Variants in PLAAT1 observed in about 807,000 individuals in gnomAD.
The protein encoded by PLAAT1 is H-REV107 protein-related protein.
Under a neutral mutation model 16.4 loss-of-function variants are expected in PLAAT1, and 13 were observed. The observed-to-expected ratio is 0.79, with a 90% CI of 0.52 to 1.26. PLAAT1 has a LOEUF of 1.26. PLAAT1 is among the 50% of genes most tolerant of loss of function. The pLI is 0.00. For missense variants in PLAAT1, 218 were observed against 207.8 expected, an observed-to-expected ratio of 1.05 and a Z score of -0.30; for synonymous variants, 73 against 78.4, an observed-to-expected ratio of 0.93 and a Z score of 0.36.
At position 193,270,782 on chromosome 3, in the gene PLAAT1, G is replaced by T. The variant is rs1250284846; in HGVS notation, c.*77G>T. On this transcript the variant is annotated 3_prime_UTR_variant, in exon 4 of 4. Transcript: ENST00000264735. ...AACCTGGGGTGAATACTTATTTTCAGTGCATCATTACTGTTCCAGATTCCT... is the reference window on the plus strand; with the variant it reads ...AACCTGGGGTGAATACTTATTTTCATTGCATCATTACTGTTCCAGATTCCT... 4 of 1,539,096 alleles carry T rather than the reference G, an allele frequency of 2.6e-6. No individual in the cohort carries two copies. In the African/African-American group the frequency reaches 4.1e-5, roughly 16 times the overall value.
At chr3:193,253,687 A>G (rs766566988) in intron 1 of PLAAT1, among the ~76,000 whole-genome samples, 2 of 152,222 alleles carry the variant, frequency 1.3e-5, no homozygotes, top group Non-Finnish European at 2.9e-5. Context: ...TATCAAGTAG[A>G]AGACTAAGAG....
At chr3:193,249,851 T>C (rs1290476436) in intron 1 of PLAAT1, among the ~76,000 whole-genome samples, 2 of 152,068 alleles carry the variant, frequency 1.3e-5, no homozygotes, top group Non-Finnish European at 2.9e-5. Flanking sequence ...TGGTACTTTT[T>C]AATATTTTCT....
chr3:193,259,003 A>C (rs754653415), intron 2 of PLAAT1, among the ~76,000 whole-genome samples: 1 of 152,166 alleles, frequency 6.6e-6, no homozygotes, highest in African/African-American at 2.4e-5. Flanking sequence ...AAAATCCTCA[A>C]CAAAAGACCA....
At chr3:193,280,015 CTG>C (rs1434262293), downstream of PLAAT1, among the ~76,000 whole-genome samples, 1 of 127,092 alleles carries the variant, frequency 7.9e-6, no homozygotes, top group Non-Finnish European at 1.6e-5. Context: ...CCCTGTGTAC[CTG>C]TGTACATAAT....
In PLAAT1 at chr3:193,241,386, G is replaced by T; in HGVS notation, c.-148G>T. On this transcript the variant is annotated 5_prime_UTR_variant, in exon 1 of 4. Coordinates refer to ENST00000264735, the MANE Select transcript of PLAAT1 (RefSeq NM_020386.5). Reference sequence around the variant, plus strand: ...GGAGGACGGCCCCGAGTGATGGCTGGCGCCTGCCTCCCGGGTGTCTCCCGG... The same window carrying T: ...GGAGGACGGCCCCGAGTGATGGCTGTCGCCTGCCTCCCGGGTGTCTCCCGG... 1 of 1,231,740 alleles carries T rather than the reference G, an allele frequency of 8.1e-7. No individual in the cohort carries two copies. Among genetic ancestry groups the T allele is most frequent in the African/African-American group, 1.5e-5 (1 of 64,548 alleles). The allele number at this position is 1,231,740 out of a possible 1,614,324, so 76.3% of individuals were successfully genotyped here. A position where few individuals can be genotyped will look rare whatever the true frequency, so the allele number is the denominator to read the frequency against.
At chr3:193,254,447 G>A (rs1400599965) in intron 1 of PLAAT1, among the ~76,000 whole-genome samples, 1 of 152,102 alleles carries the variant, frequency 6.6e-6, no homozygotes, top group Non-Finnish European at 1.5e-5. Context: ...GGAACACCCT[G>A]TTGTCAATTA....
At chr3:193,268,520 C>G (rs1294935110) in intron 3 of PLAAT1, among the ~76,000 whole-genome samples, 1 of 152,146 alleles carries the variant, frequency 6.6e-6, no homozygotes, top group African/African-American at 2.4e-5. Flanking sequence ...CCAAAGTAAG[C>G]CGTGAAGTAA....
chr3:193,263,492 CT>C (rs5855475), intron 3 of PLAAT1, among the ~76,000 whole-genome samples: 137,466 of 152,238 alleles, frequency 0.9, 62,287 homozygotes, highest in East Asian at 0.98. Context: ...ATCTTACTGC[CT>C]TTTAGTCTTT....
intron 1 of PLAAT1, among the ~76,000 whole-genome samples, chr3:193,249,092 T>G (rs1716093467): frequency 1.3e-5 from 2 of 152,140 alleles, no homozygotes; most frequent in African/African-American, 4.8e-5. Flanking sequence ...GAGTGTAGTA[T>G]TCTTGGTTGG....
intron 1 of PLAAT1, among the ~76,000 whole-genome samples, chr3:193,248,401 C>T (rs113787918): frequency 6.6e-5 from 10 of 151,884 alleles, no homozygotes; most frequent in African/African-American, 2.4e-4. Flanking sequence ...GAATTTAATA[C>T]ACTTACATTC....
chr3:193,279,476 T>C (rs1717382105), downstream of PLAAT1: 2 of 1,579,906 alleles, frequency 1.3e-6, no homozygotes, highest in African/African-American at 1.3e-5. Context: ...CCAAACATTA[T>C]TTTTAGATGT....
At chr3:193,270,531 C>G (rs1157127261) in intron 3 of PLAAT1, 73 bp from the exon 4 acceptor site, 2 of 1,439,332 alleles carry the variant, frequency 1.4e-6, no homozygotes, top group Non-Finnish European at 1.9e-6. Context: ...AGGAAACAGG[C>G]TAAAGCTTCA....
Position 193,255,646 on chromosome 3 carries a change from T to G in PLAAT1, c.1-5T>G, listed in dbSNP as rs543701653. The stretch of plus-strand genomic sequence containing the variant: ...GCTAGCTCTTCTTTGTATTTGTCAT[T>G]GCAGATGGCGTTTAATGATTGCTTC... On this transcript the variant is annotated splice_region_variant and splice_polypyrimidine_tract_variant and intron_variant, in intron 1 of 3. Coordinates refer to ENST00000264735, the MANE Select transcript of PLAAT1 (RefSeq NM_020386.5). 3.2e-5 allele frequency: 52 copies of G among 1,603,158 alleles called. No individual in the cohort carries two copies. In the South Asian group the frequency reaches 5.1e-4, roughly 16 times the overall value.
intron 1 of PLAAT1, among the ~76,000 whole-genome samples, chr3:193,242,100 T>A (rs534719482): frequency 5.8e-4 from 84 of 145,690 alleles, no homozygotes; most frequent in South Asian, 2.2e-3. Context: ...CTTAAAACAT[T>A]ATGAGAGGTT....
At chr3:193,252,567 A>G (rs778757267) in intron 1 of PLAAT1, among the ~76,000 whole-genome samples, 5 of 152,224 alleles carry the variant, frequency 3.3e-5, no homozygotes, top group Non-Finnish European at 5.9e-5. Context: ...AGGACAATCA[A>G]TTTACCAATT....
At chr3:193,271,231 A>G (rs188602239), downstream of PLAAT1, among the ~76,000 whole-genome samples, 257 of 152,152 alleles carry the variant, frequency 1.7e-3, 5 homozygotes, top group Admixed American at 0.015. Context: ...GCCTGTGTAG[A>G]TGAGGGTGGA....
At chr3:193,248,305 G>A (rs1378885560) in intron 1 of PLAAT1, among the ~76,000 whole-genome samples, 4 of 151,772 alleles carry the variant, frequency 2.6e-5, no homozygotes, top group African/African-American at 9.7e-5. Context: ...TAAAGGTTAA[G>A]AGAGGTGAAG....
At chr3:193,240,823 T>G (rs971694767), upstream of PLAAT1, among the ~76,000 whole-genome samples, 1 of 152,046 alleles carries the variant, frequency 6.6e-6, no homozygotes, top group East Asian at 1.9e-4. Flanking sequence ...GGGGTGCAGG[T>G]ACCATGATTC....
rs112648780 is a variant in PLAAT1, at chr3:193,262,982, C to T, written c.152C>T (p.Ala51Val). The change falls in exon 3 of 4, where the codon GCG (alanine) becomes GTG (valine). Residue 51 changes from alanine (A) to valine (V), a missense_variant. Physicochemically the swap from Ala to Val is moderately conservative, Grantham distance 64. Coordinates refer to ENST00000264735, the MANE Select transcript of PLAAT1 (RefSeq NM_020386.5). ...INIAPVDGIP[A>V]SFTSAKSVFS... ...TTCTACTTTATAGATGGCATTCCTGCGTCCTTTACAAGCGCCAAGTCTGTA... is the reference window on the plus strand; with the variant it reads ...TTCTACTTTATAGATGGCATTCCTGTGTCCTTTACAAGCGCCAAGTCTGTA... The T allele has an allele frequency of 1.4e-4, 230 of 1,614,114 alleles. 1 individual carries two copies. The African/African-American group carries it at 2.4e-3, about 17-fold the overall frequency.
Sources: gnomAD v4.1 joint callset for allele counts (sites outside exome capture counted in the v4.1 genomes callset) on GRCh38, gnomAD v4.1.1 for gene constraint, MANE v1.5 for transcripts, NCBI Gene and HGNC (gene_info 2026-07-23, HGNC 2026-07-21) for gene names.